The following ADRA1D variants were observed in gnomAD, a reference collection of about 807,000 sequenced individuals.
The protein encoded by ADRA1D is adrenoceptor alpha 1D, also known as alpha-1D adrenergic receptor.
ADRA1D carries 22 observed loss-of-function variants against 18.6 expected under a neutral mutation model. That is an observed-to-expected ratio of 1.19 (90% CI 0.85 to 1.69). The LOEUF (loss-of-function observed/expected upper bound fraction) is 1.69. Among genes scored for constraint, ADRA1D ranks in the 40% most tolerant of loss-of-function variants. ADRA1D has a pLI of 0.00. For missense variants in ADRA1D, 840 were observed against 840.7 expected (o/e 1.00, Z 0.01); for synonymous variants, 376 against 388.2 (o/e 0.97, Z 0.37).
At chr20:4,235,157 G>A (rs1981060500) in intron 1 of ADRA1D, among the ~76,000 whole-genome samples, 1 of 152,208 alleles carries the variant, frequency 6.6e-6, no homozygotes, top group African/African-American at 2.4e-5. Flanking sequence ...CACTTGAGAT[G>A]CGCCGGGTGT....
chr20:4,237,710 G>A (rs781740574), intron 1 of ADRA1D, among the ~76,000 whole-genome samples: 2 of 148,724 alleles, frequency 1.3e-5, no homozygotes, highest in Non-Finnish European at 3.0e-5. Flanking sequence ...CCAGGTTGGA[G>A]TGCAATGGCT....
intron 1 of ADRA1D, among the ~76,000 whole-genome samples, chr20:4,236,348 G>C (rs548087162): frequency 9.2e-5 from 14 of 152,324 alleles, no homozygotes; most frequent in African/African-American, 2.9e-4. Context: ...ATGGGTTTGT[G>C]ATTAATTAGT....
intron 1 of ADRA1D, among the ~76,000 whole-genome samples, chr20:4,245,573 T>A (rs1208459556): frequency 2.0e-5 from 3 of 152,084 alleles, no homozygotes; most frequent in African/African-American, 7.2e-5. Context: ...ATTACAGGCA[T>A]GTGGGTGCTT....
In ADRA1D at chr20:4,248,063, C is replaced by T; in HGVS notation, c.895G>A (p.Ala299Thr). 1 of 1,550,668 alleles carries T rather than the reference C, an allele frequency of 6.4e-7. No homozygotes were observed. The highest frequency in any genetic ancestry group is 8.7e-7 in the Non-Finnish European group (1 of 1,147,444). The change falls in exon 1 of 2, where the codon GCC becomes ACC. Residue 299 changes from alanine to threonine, a missense_variant. Transcript: ENST00000379453. The stretch of plus-strand genomic sequence containing the variant: ...TGGATGCGCAGCACCACCTCGGAGG[C>T]CTTGCCTCGCTCGCGCTTGACGCCC... Reference protein sequence around the residue: ...EAGVKRERGKASEVVLRIHCR... With the variant: ...EAGVKRERGKTSEVVLRIHCR...
At chr20:4,227,824 C>T (rs1406459518) in intron 1 of ADRA1D, among the ~76,000 whole-genome samples, 2 of 150,758 alleles carry the variant, frequency 1.3e-5, no homozygotes, top group Admixed American at 6.7e-5. Context: ...CCAGGCTGGT[C>T]TTGAACTCCT....
chr20:4,230,359 T>C (rs1330120872), intron 1 of ADRA1D, among the ~76,000 whole-genome samples: 1 of 152,228 alleles, frequency 6.6e-6, no homozygotes, highest in Non-Finnish European at 1.5e-5. Context: ...AGCAGGTGCA[T>C]AACACTTGCT....
chr20:4,231,557 T>C (rs1980971330), intron 1 of ADRA1D, among the ~76,000 whole-genome samples: 1 of 152,162 alleles, frequency 6.6e-6, no homozygotes, highest in South Asian at 2.1e-4. Context: ...GGCACTTGAA[T>C]AGGTGGCCTC....
chr20:4,228,944 C>T (rs1980887541), intron 1 of ADRA1D, among the ~76,000 whole-genome samples: 1 of 152,226 alleles, frequency 6.6e-6, no homozygotes, highest in South Asian at 2.1e-4. Flanking sequence ...TCACTCTGCT[C>T]TGCTGCTTTG....
rs550065763 is a variant in ADRA1D, at chr20:4,233,606, C to T, written c.1112-11476G>A. On this transcript the variant is annotated intron_variant, in intron 1 of 1. Coordinates refer to ENST00000379453, the MANE Select transcript of ADRA1D (RefSeq NM_000678.4). The stretch of plus-strand genomic sequence containing the variant: ...TCTCAAACGCTGCTTCTAGGGAACC[C>T]GACCCAAGACATTCTTTGTCAGTGC... Among the ~76,000 whole-genome samples, 7 of 152,278 alleles carry T rather than the reference C, an allele frequency of 4.6e-5. No homozygotes were observed. In the South Asian group the frequency reaches 1.0e-3, roughly 23 times the overall value.
intron 1 of ADRA1D, among the ~76,000 whole-genome samples, chr20:4,231,126 G>A (rs1184564896): frequency 3.0e-5 from 4 of 134,138 alleles, no homozygotes; most frequent in South Asian, 4.8e-4. Context: ...TCTGTTTTTA[G>A]AGACTGGGTC....
chr20:4,234,740 C>T (rs889221082), intron 1 of ADRA1D, among the ~76,000 whole-genome samples: 26 of 152,152 alleles, frequency 1.7e-4, no homozygotes, highest in African/African-American at 5.5e-4. Context: ...AAAGGGTCAG[C>T]GAGCCTCTCT....
At position 4,232,728 on chromosome 20, in the gene ADRA1D, C is replaced by T. The variant is rs115894203; in HGVS notation, c.1112-10598G>A. Among the ~76,000 whole-genome samples the T allele has an allele frequency of 2.1e-3, 321 of 152,308 alleles. 1 individual carries two copies. The highest frequency in any genetic ancestry group is 7.5e-3 in the African/African-American group (310 of 41,564). On this transcript the variant is annotated intron_variant, in intron 1 of 1. Coordinates refer to ENST00000379453, the MANE Select transcript of ADRA1D (RefSeq NM_000678.4). ...GTTGGCAGTCAGAGGCTAGCTGTTG[C>T]CCCTTCTCTGGACAACTGCCCTCAG...
intron 1 of ADRA1D, among the ~76,000 whole-genome samples, chr20:4,229,636 G>A (rs939554184): frequency 6.6e-6 from 1 of 152,132 alleles, no homozygotes; most frequent in African/African-American, 2.4e-5. Flanking sequence ...TTTGTAGAAC[G>A]ATGACGAGGT....
At chr20:4,231,064 T>TTCTTTCTTTCTTTCTTTCTTTCTTTCTC (rs1491147056) in intron 1 of ADRA1D, among the ~76,000 whole-genome samples, 1 of 97,924 alleles carries the variant, frequency 1.0e-5, no homozygotes, top group African/African-American at 4.7e-5. Context: ...CTTTCTTTCT[T>TTCTTTCTTTCTTTCTTTCTTTCTTTCTC]TCTCTCTCTC....
intron 1 of ADRA1D, among the ~76,000 whole-genome samples, chr20:4,234,517 C>T (rs1049012484): frequency 6.6e-6 from 1 of 152,230 alleles, no homozygotes; most frequent in Non-Finnish European, 1.5e-5. Flanking sequence ...CAGAGATACA[C>T]AGGAGTAAAA....
chr20:4,222,209 C>T lies in ADRA1D; in HGVS notation c.1112-79G>A. The stretch of plus-strand genomic sequence containing the variant: ...GCGGCTCTGGGCGCAAAGGGGAGAC[C>T]CTTCAGTAGCCTTGGCTGAGTCATT... On this transcript the variant is annotated intron_variant, in intron 1 of 1. Coordinates refer to ENST00000379453, the MANE Select transcript of ADRA1D (RefSeq NM_000678.4). This position sits in a 1 kb window ranked among gnomAD's most constrained non-coding sequence, Gnocchi z 4.3. 1.3e-6 allele frequency: 2 copies of T among 1,524,568 alleles called. No individual in the cohort carries two copies. The highest frequency in any genetic ancestry group is 1.8e-6 in the Non-Finnish European group (2 of 1,138,012). 94.4% of individuals were successfully genotyped at this position (1,524,568 alleles called of 1,614,324 possible).
At chr20:4,235,653 C>T (rs1200656890) in intron 1 of ADRA1D, among the ~76,000 whole-genome samples, 1 of 152,254 alleles carries the variant, frequency 6.6e-6, no homozygotes, top group Non-Finnish European at 1.5e-5. Context: ...AGCACTAATA[C>T]CCGGGGAGAG....
intron 1 of ADRA1D, among the ~76,000 whole-genome samples, chr20:4,233,282 A>T (rs1295674981): frequency 6.6e-6 from 1 of 152,088 alleles, no homozygotes; most frequent in African/African-American, 2.4e-5. Flanking sequence ...GTAACATAGT[A>T]AAACTCCATC....
chr20:4,244,183 C>T (rs551008072), intron 1 of ADRA1D, among the ~76,000 whole-genome samples: 6 of 152,322 alleles, frequency 3.9e-5, no homozygotes, highest in African/African-American at 1.4e-4. Flanking sequence ...GCTTTGTGTG[C>T]GGAAGTGTGA....
Sources: gnomAD v4.1 joint callset for allele counts (sites outside exome capture counted in the v4.1 genomes callset) on GRCh38, gnomAD v4.1.1 for gene constraint, Gnocchi (gnomAD v3.1) non-coding constraint, MANE v1.5 for transcripts, NCBI Gene and HGNC (gene_info 2026-07-23, HGNC 2026-07-21) for gene names.